The following CSMD1 variants were observed in gnomAD, a reference collection of about 807,000 sequenced individuals.
CSMD1 encodes CUB and Sushi multiple domains 1.
A neutral mutation model predicts 417.5 loss-of-function variants in CSMD1; 213 were observed. That is an observed-to-expected ratio of 0.51 (90% CI 0.46 to 0.57). The LOEUF is 0.57. Ranked by LOEUF, CSMD1 falls within the 20% of genes least tolerant of loss-of-function variation. CSMD1 has a pLI of 0.00. For missense variants in CSMD1, 6,923 were observed against 4,529.7 expected (o/e 1.53, Z -15.17); for synonymous variants, 2,862 against 1,736.8 (o/e 1.65, Z -16.11).
In CSMD1 at chr8:4,017,256, A is replaced by G. The variant is rs185065350; in HGVS notation, c.610+14649T>C. ...ACTATTTTTTTCACAATTCAAGGCTATGCAATTCATCTTCTCATCATTTCT... is the reference window on the plus strand; with the variant it reads ...ACTATTTTTTTCACAATTCAAGGCTGTGCAATTCATCTTCTCATCATTTCT... On this transcript the variant is annotated intron_variant, in intron 4 of 69. Coordinates refer to ENST00000635120, the MANE Select transcript of CSMD1 (RefSeq NM_033225.6). 1.9e-4 allele frequency among the ~76,000 whole-genome samples: 29 copies of G among 152,260 alleles called. No individual in the cohort carries two copies. The East Asian group carries it at 4.4e-3, about 23-fold the overall frequency.
chr8:3,687,894 C>T (rs561533626), intron 7 of CSMD1, among the ~76,000 whole-genome samples: 16 of 152,350 alleles, frequency 1.1e-4, no homozygotes, highest in African/African-American at 3.8e-4. Context: ...GACCTGGGGA[C>T]AGAGCAGCTG....
At chr8:3,955,333 T>A (rs1206629052) in intron 5 of CSMD1, among the ~76,000 whole-genome samples, 2 of 152,178 alleles carry the variant, frequency 1.3e-5, no homozygotes, top group East Asian at 1.9e-4. Context: ...AACTCCATGT[T>A]ACGCCACAGA....
At chr8:3,449,416 T>G (rs1420470970) in intron 12 of CSMD1, among the ~76,000 whole-genome samples, 1 of 152,032 alleles carries the variant, frequency 6.6e-6, no homozygotes. Flanking sequence ...AACCCCAGGC[T>G]CCCACCATGC....
intron 51 of CSMD1, among the ~76,000 whole-genome samples, chr8:3,021,799 TGGAATGCACCC>T (rs1809429254): frequency 8.9e-6 from 1 of 111,858 alleles, no homozygotes; most frequent in African/African-American, 3.6e-5. Context: ...CCATAGCATC[TGGAATGCACCC>T]GCAATCCCAC....
intron 52 of CSMD1, among the ~76,000 whole-genome samples, chr8:3,017,076 G>T (rs1321615263): frequency 1.3e-5 from 2 of 152,236 alleles, no homozygotes; most frequent in Non-Finnish European, 1.5e-5. Flanking sequence ...ATGACCAAAA[G>T]GATGAGATTA....
At chr8:4,689,886 G>A (rs1458119661) in intron 1 of CSMD1, among the ~76,000 whole-genome samples, 3 of 152,110 alleles carry the variant, frequency 2.0e-5, no homozygotes, top group Non-Finnish European at 2.9e-5. Flanking sequence ...AAACTACTAT[G>A]GAGGTAAGAA....
At chr8:4,559,567 C>T (rs1274213675) in intron 2 of CSMD1, among the ~76,000 whole-genome samples, 1 of 152,160 alleles carries the variant, frequency 6.6e-6, no homozygotes, top group Non-Finnish European at 1.5e-5. Flanking sequence ...GTGTGTAAGT[C>T]ATCCATAGGA....
At chr8:4,184,190 T>G (rs971628405) in intron 3 of CSMD1, among the ~76,000 whole-genome samples, 2 of 152,238 alleles carry the variant, frequency 1.3e-5, no homozygotes, top group Non-Finnish European at 2.9e-5. Flanking sequence ...ATATTAAATC[T>G]GTGTCAGTCT....
rs941890657 is a variant in CSMD1 at position 4,108,172 on chromosome 8, T to A, written c.416-76073A>T. ...AGAAGAGAGACAGTTTTATTTTTAT[T>A]AAGTTGTATCAGACTCTATGGGAAA... is the stretch of plus-strand genomic sequence containing the variant. On this transcript the variant is annotated intron_variant, in intron 3 of 69. Transcript: ENST00000635120. 5.3e-5 allele frequency among the ~76,000 whole-genome samples: 8 copies of A among 151,964 alleles called. 1 individual carries two copies. Among genetic ancestry groups the A allele is most frequent in the African/African-American group, 1.9e-4 (8 of 41,380 alleles).
chr8:3,647,448 GAAATACAGCATAGAGAA>G (rs1157614983), intron 7 of CSMD1, among the ~76,000 whole-genome samples: 6 of 152,092 alleles, frequency 3.9e-5, no homozygotes, highest in Non-Finnish European at 8.8e-5. Flanking sequence ...AGTACATAGA[GAAATACAGCATAGAGAA>G]AAATACAGCA....
At chr8:4,761,805 G>A (rs969139514) in intron 1 of CSMD1, among the ~76,000 whole-genome samples, 12 of 151,652 alleles carry the variant, frequency 7.9e-5, no homozygotes, top group Non-Finnish European at 8.8e-5. Flanking sequence ...AATAAACCTG[G>A]TAGTAAATAA....
intron 1 of CSMD1, among the ~76,000 whole-genome samples, chr8:4,803,138 C>G (rs1285724939): frequency 6.6e-6 from 1 of 152,136 alleles, no homozygotes. Flanking sequence ...TTTGCCCATA[C>G]AATGGACTAT....
At chr8:3,123,815 T>C (rs1426790378) in intron 41 of CSMD1, among the ~76,000 whole-genome samples, 1 of 152,192 alleles carries the variant, frequency 6.6e-6, no homozygotes, top group Non-Finnish European at 1.5e-5. Flanking sequence ...TAAAACAGCG[T>C]TTAACAGAGA....
chr8:3,218,579 A>C (rs1249613539), intron 29 of CSMD1, among the ~76,000 whole-genome samples: 1 of 150,420 alleles, frequency 6.6e-6, no homozygotes, highest in African/African-American at 2.5e-5. Context: ...AAAAAAAAAG[A>C]AATTATTTTT....
chr8:4,867,736 G>A (rs764352731), intron 1 of CSMD1, among the ~76,000 whole-genome samples: 2 of 152,096 alleles, frequency 1.3e-5, no homozygotes, highest in Non-Finnish European at 2.9e-5. Context: ...TGCCGTATTA[G>A]TATTCAATGC....
At chr8:4,578,692 T>C (rs1799261968) in intron 2 of CSMD1, among the ~76,000 whole-genome samples, 3 of 150,184 alleles carry the variant, frequency 2.0e-5, no homozygotes, top group African/African-American at 4.9e-5. Context: ...GCAGGTCCTG[T>C]AATTCCAGCT....
At chr8:4,059,926 C>A (rs1371955364) in intron 3 of CSMD1, among the ~76,000 whole-genome samples, 1 of 151,858 alleles carries the variant, frequency 6.6e-6, no homozygotes, top group Admixed American at 6.6e-5. Context: ...AGAGGGAATC[C>A]TCCCTAACTC....
chr8:4,751,792 T>C (rs1811345011), intron 1 of CSMD1, among the ~76,000 whole-genome samples: 1 of 152,176 alleles, frequency 6.6e-6, no homozygotes, highest in African/African-American at 2.4e-5. Flanking sequence ...ATTCTAGCTC[T>C]GCCCCGTACA....
intron 3 of CSMD1, among the ~76,000 whole-genome samples, chr8:4,379,260 A>G (rs1802947646): frequency 6.6e-6 from 1 of 152,168 alleles, no homozygotes; most frequent in Admixed American, 6.5e-5. Context: ...GGGACTTTTT[A>G]AAAAATAGGT....
Sources: allele counts gnomAD v4.1 joint callset (sites outside exome capture counted in the v4.1 genomes callset), GRCh38; gene constraint gnomAD v4.1.1; transcripts MANE v1.5; gene names NCBI Gene and HGNC (gene_info 2026-07-23, HGNC 2026-07-21).